Variants in ARHGAP44 observed in about 807,000 individuals in gnomAD.
ARHGAP44 encodes the protein Rho GTPase activating protein 44, also known as rho GTPase-activating protein 44.
A neutral mutation model predicts 106.8 loss-of-function variants in ARHGAP44; 43 were observed. The observed-to-expected ratio is 0.40, with a 90% confidence interval of 0.32 to 0.52. The LOEUF (loss-of-function observed/expected upper bound fraction) is 0.52, where lower values mean the gene tolerates loss of function less well. Among genes scored for constraint, ARHGAP44 ranks in the 20% least tolerant of loss-of-function variants. The probability of loss-of-function intolerance (pLI) is 0.48; values close to 1 mark genes in which losing one functional copy is unlikely to be tolerated. For missense variants in ARHGAP44, 866 were observed against 1,050.5 expected, an observed-to-expected ratio of 0.82 and a Z score of 2.43; for synonymous variants, 439 against 410.3, an observed-to-expected ratio of 1.07 and a Z score of -0.85.
chr17:12,919,403 T>TG (rs57714944), intron 5 of ARHGAP44, among the ~76,000 whole-genome samples: 8 of 148,764 alleles, frequency 5.4e-5, no homozygotes, highest in Non-Finnish European at 1.2e-4. Context: ...TTTTTTTTTT[T>TG]GAGACGGAGT....
At chr17:12,791,340 G>A (rs1371829275) in intron 1 of ARHGAP44, among the ~76,000 whole-genome samples, 6 of 152,162 alleles carry the variant, frequency 3.9e-5, no homozygotes, top group Admixed American at 3.9e-4. Context: ...GTTGGATGCC[G>A]AGATAGTGTT....
At chr17:12,987,020 GC>G in intron 20 of ARHGAP44, 2 of 1,011,592 alleles carry the variant, frequency 2.0e-6, no homozygotes, top group Non-Finnish European at 1.4e-6. Context: ...TATTGGCATA[GC>G]TTTTTTTTTT....
At chr17:12,864,653 T>G (rs1182715328) in intron 1 of ARHGAP44, among the ~76,000 whole-genome samples, 2 of 152,160 alleles carry the variant, frequency 1.3e-5, no homozygotes. Context: ...GAAGTCTTAG[T>G]AACACGAAGT....
intron 1 of ARHGAP44, among the ~76,000 whole-genome samples, chr17:12,872,343 G>A (rs2036430853): frequency 6.6e-6 from 1 of 152,076 alleles, no homozygotes; most frequent in Non-Finnish European, 1.5e-5. Context: ...CCTCCTGCAG[G>A]TCTGACATCC....
In ARHGAP44 at chr17:12,974,300, G is replaced by T. The variant is rs1022751681; in HGVS notation, c.1753G>T (p.Glu585Ter). 1 of 1,433,402 alleles carries T rather than the reference G, an allele frequency of 7.0e-7. No homozygotes were observed. The highest frequency in any genetic ancestry group is 1.5e-5 in the African/African-American group (1 of 66,300). 88.8% of individuals were successfully genotyped at this position (1,433,402 alleles called of 1,614,324 possible). The change falls in exon 18 of 21, where the codon GAG becomes TAG. Residue 585 changes from glutamate (E) to a stop codon, truncating the protein, a stop_gained. Coordinates refer to ENST00000379672, the MANE Select transcript of ARHGAP44 (RefSeq NM_014859.6). LOFTEE classifies it high-confidence loss of function. Reference sequence around the variant, plus strand: ...CGGCCTGGGCCTCCAGCCTGGGCCCGAGCGCACCAGGTAAGCGCGGGCCAC... The same window carrying T: ...CGGCCTGGGCCTCCAGCCTGGGCCCTAGCGCACCAGGTAAGCGCGGGCCAC... ...PSGLGLQPGP[E>*]RTSTTKSKEL...
intron 1 of ARHGAP44, among the ~76,000 whole-genome samples, chr17:12,835,440 T>A (rs1433616012): frequency 1.3e-5 from 2 of 152,146 alleles, no homozygotes; most frequent in Non-Finnish European, 2.9e-5. Flanking sequence ...ATGATAAAAG[T>A]TGGTAAATAA....
chr17:12,920,311 G>C, intron 6 of ARHGAP44, among the ~76,000 whole-genome samples: 1 of 133,678 alleles, frequency 7.5e-6, no homozygotes, highest in African/African-American at 3.4e-5. Flanking sequence ...GGGAGGCGGA[G>C]CTTGCAGTGA....
chr17:12,943,785 T>C (rs1056437638), intron 9 of ARHGAP44, 116 bp downstream of exon 9: 8 of 1,138,286 alleles, frequency 7.0e-6, no homozygotes, highest in Non-Finnish European at 1.0e-5. Flanking sequence ...GCATCACCTG[T>C]AGATGAGCCT....
chr17:12,976,892 A>G (rs3785712), intron 18 of ARHGAP44, among the ~76,000 whole-genome samples: 82,097 of 152,036 alleles, frequency 0.54, 23,059 homozygotes, highest in Non-Finnish European at 0.63. Context: ...ACGGACCCAC[A>G]GGCGGGAGAT....
chr17:12,818,729 A>G (rs1398696461), intron 1 of ARHGAP44, among the ~76,000 whole-genome samples: 2 of 152,064 alleles, frequency 1.3e-5, no homozygotes. Flanking sequence ...AATTATGTGC[A>G]GGATCCATGT....
At chr17:12,912,070 C>G (rs1020996657) in intron 4 of ARHGAP44, among the ~76,000 whole-genome samples, 1 of 152,148 alleles carries the variant, frequency 6.6e-6, no homozygotes, top group Non-Finnish European at 1.5e-5. Flanking sequence ...TGAGGAAAGT[C>G]TCTAACCTGA....
intron 1 of ARHGAP44, among the ~76,000 whole-genome samples, chr17:12,886,975 GT>G (rs869233279): frequency 1.2e-4 from 13 of 108,996 alleles, no homozygotes; most frequent in Non-Finnish European, 1.4e-4. Flanking sequence ...TTTTTTTTTT[GT>G]TTTTTTTTTT....
At chr17:12,826,475 A>G (rs2034921871) in intron 1 of ARHGAP44, among the ~76,000 whole-genome samples, 1 of 152,202 alleles carries the variant, frequency 6.6e-6, no homozygotes, top group African/African-American at 2.4e-5. Flanking sequence ...CAGTAGCCAG[A>G]GCCAACTTTG....
At chr17:12,928,786 G>T in intron 6 of ARHGAP44, 143 bp from the exon 7 acceptor site, 1 of 622,056 alleles carries the variant, frequency 1.6e-6, no homozygotes, top group Non-Finnish European at 2.8e-6. Flanking sequence ...CCTAGTCCTT[G>T]GTGCCTTTTC....
chr17:12,791,292 G>A (rs1249671534), intron 1 of ARHGAP44, among the ~76,000 whole-genome samples: 1 of 152,200 alleles, frequency 6.6e-6, no homozygotes, highest in East Asian at 1.9e-4. Flanking sequence ...GCATGGTATT[G>A]CCACAGATAT....
chr17:12,802,389 G>C (rs9915247), intron 1 of ARHGAP44, among the ~76,000 whole-genome samples: 28,435 of 151,978 alleles, frequency 0.19, 4,545 homozygotes, highest in African/African-American at 0.43. Flanking sequence ...AAAGGACAGT[G>C]TCGTCAGAGG....
At chr17:12,869,600 CTG>C (rs960330035) in intron 1 of ARHGAP44, among the ~76,000 whole-genome samples, 5 of 152,270 alleles carry the variant, frequency 3.3e-5, no homozygotes, top group African/African-American at 1.2e-4. Flanking sequence ...GAAGCTAAAA[CTG>C]TGTCCATGAA....
chr17:12,841,438 A>G (rs2035388559), intron 1 of ARHGAP44, among the ~76,000 whole-genome samples: 1 of 151,784 alleles, frequency 6.6e-6, no homozygotes, highest in African/African-American at 2.4e-5. Flanking sequence ...ATCTCTACAA[A>G]AATTAGGTGT....
intron 1 of ARHGAP44, among the ~76,000 whole-genome samples, chr17:12,802,753 C>CT (rs869172678): frequency 0.014 from 1,523 of 108,692 alleles, 15 homozygotes; most frequent in African/African-American, 0.019. Flanking sequence ...TTTTTTATTT[C>CT]TTTTTTTTTT....
Sources: allele counts gnomAD v4.1 joint callset (sites outside exome capture counted in the v4.1 genomes callset), GRCh38; gene constraint gnomAD v4.1.1; transcripts MANE v1.5; gene names NCBI Gene and HGNC (gene_info 2026-07-23, HGNC 2026-07-21).